TSEN2: variants seen among roughly 807,000 people sequenced by gnomAD.
The protein encoded by TSEN2 is tRNA splicing endonuclease subunit 2.
A neutral mutation model predicts 59.2 loss-of-function variants in TSEN2; 54 were observed. The observed-to-expected ratio is 0.91, with a 90% confidence interval of 0.73 to 1.14. The LOEUF (loss-of-function observed/expected upper bound fraction) is 1.14, where lower values mean the gene tolerates loss of function less well. TSEN2 is among the 50% of genes most tolerant of loss of function. TSEN2 has a pLI of 0.00. For synonymous variants in TSEN2, 195 were observed against 198.2 expected, an observed-to-expected ratio of 0.98 and a Z score of 0.14; for missense variants, 636 against 576.2, an observed-to-expected ratio of 1.10 and a Z score of -1.06.
At chr3:12,495,384 C>T (rs1464689329) in intron 3 of TSEN2, among the ~76,000 whole-genome samples, 1 of 152,042 alleles carries the variant, frequency 6.6e-6, no homozygotes, top group African/African-American at 2.4e-5. Context: ...CACATGCCAT[C>T]GCAGCTAGCT....
chr3:12,483,050 C>T (rs2052245180), upstream of TSEN2, among the ~76,000 whole-genome samples: 1 of 152,228 alleles, frequency 6.6e-6, no homozygotes, highest in Non-Finnish European at 1.5e-5. Context: ...GACATGATCT[C>T]ACTCTACCAA....
At chr3:12,497,263 A>C (rs566999365) in intron 4 of TSEN2, among the ~76,000 whole-genome samples, 54 of 152,314 alleles carry the variant, frequency 3.5e-4, no homozygotes, top group African/African-American at 1.3e-3. Flanking sequence ...GACTGTCTCC[A>C]TCCATCCCAG....
intron 6 of TSEN2, among the ~76,000 whole-genome samples, chr3:12,516,316 C>T (rs1347801637): frequency 6.6e-6 from 1 of 152,070 alleles, no homozygotes; most frequent in East Asian, 1.9e-4. Flanking sequence ...GTCCCAGCTA[C>T]TCGGGAGGCT....
chr3:12,527,113 A>G (rs1313713335), intron 8 of TSEN2, among the ~76,000 whole-genome samples: 2 of 152,250 alleles, frequency 1.3e-5, no homozygotes, highest in Admixed American at 6.5e-5. Flanking sequence ...AGTACACTCC[A>G]TCTCAAAAAG....
chr3:12,531,744 A>G, intron 11 of TSEN2, 85 bp downstream of exon 11: 1 of 939,562 alleles, frequency 1.1e-6, no homozygotes. Context: ...AAGAAAATAC[A>G]TGAATACAGT....
chr3:12,518,308 T>C (rs2056327456), intron 7 of TSEN2, among the ~76,000 whole-genome samples: 1 of 152,244 alleles, frequency 6.6e-6, no homozygotes, highest in South Asian at 2.1e-4. Flanking sequence ...TTTTTTGTTC[T>C]TCTGAACATG....
intron 2 of TSEN2, 94 bp from the exon 3 acceptor site, chr3:12,492,042 C>G (rs1002805839): frequency 3.7e-6 from 4 of 1,069,806 alleles, no homozygotes; most frequent in South Asian, 1.3e-5. Flanking sequence ...GGAACCAGCC[C>G]CCTGTGGATA....
At chr3:12,513,915 G>C (rs2055773834) in intron 6 of TSEN2, among the ~76,000 whole-genome samples, 1 of 152,222 alleles carries the variant, frequency 6.6e-6, no homozygotes, top group Non-Finnish European at 1.5e-5. Context: ...GCAGAGACCT[G>C]CTGTAGGGTG....
intron 7 of TSEN2, 32 bp from the exon 8 acceptor site, chr3:12,519,027 A>T: frequency 6.2e-7 from 1 of 1,612,700 alleles, no homozygotes; most frequent in Non-Finnish European, 8.5e-7. Flanking sequence ...CATACATAGT[A>T]ATGCTTTTTG....
intron 6 of TSEN2, among the ~76,000 whole-genome samples, chr3:12,508,260 C>T (rs543903753): frequency 1.3e-5 from 2 of 152,304 alleles, no homozygotes; most frequent in South Asian, 4.1e-4. Context: ...TCCTCTTGAA[C>T]ACCCCCTGAT....
At chr3:12,521,556 A>G (rs1362747144) in intron 8 of TSEN2, among the ~76,000 whole-genome samples, 1 of 152,018 alleles carries the variant, frequency 6.6e-6, no homozygotes, top group Non-Finnish European at 1.5e-5. Context: ...GTCTAGCACA[A>G]ATACAGAAAT....
intron 6 of TSEN2, among the ~76,000 whole-genome samples, chr3:12,511,870 A>G (rs953792621): frequency 6.6e-6 from 1 of 152,206 alleles, no homozygotes; most frequent in Non-Finnish European, 1.5e-5. Flanking sequence ...CCTAGGTTTT[A>G]TATATTTTTG....
At chr3:12,534,226 A>G (rs1436730577), downstream of TSEN2, among the ~76,000 whole-genome samples, 2 of 152,114 alleles carry the variant, frequency 1.3e-5, no homozygotes, top group Admixed American at 1.3e-4. Context: ...AAGCCCCCTT[A>G]CTTACTGGTT....
intron 4 of TSEN2, among the ~76,000 whole-genome samples, chr3:12,501,699 G>A (rs56013339): frequency 0.072 from 10,961 of 151,926 alleles, 525 homozygotes; most frequent in Admixed American, 0.16. Flanking sequence ...CTGCCGCATC[G>A]AGCACTGTTC....
chr3:12,514,922 T>C (rs555943605), intron 6 of TSEN2: 3 of 152,368 alleles, frequency 2.0e-5, no homozygotes, highest in African/African-American at 7.2e-5. Flanking sequence ...TTTTCATTTT[T>C]GCAAGTCGCT....
intron 8 of TSEN2, 59 bp from the exon 9 acceptor site, chr3:12,528,829 T>C: frequency 6.3e-7 from 1 of 1,583,454 alleles, no homozygotes; most frequent in Non-Finnish European, 8.7e-7. Flanking sequence ...TTGTTGAGTC[T>C]TACTCCTCTC....
chr3:12,509,864 A>G (rs563134012), intron 6 of TSEN2, among the ~76,000 whole-genome samples: 1 of 152,282 alleles, frequency 6.6e-6, no homozygotes, highest in East Asian at 1.9e-4. Context: ...GCCTTTCCAT[A>G]TTGGCATGTT....
At chr3:12,506,103 C>A (rs1379003148) in intron 6 of TSEN2, among the ~76,000 whole-genome samples, 1 of 148,706 alleles carries the variant, frequency 6.7e-6, no homozygotes. Flanking sequence ...CTAGCTTTTT[C>A]AAAAATACTA....
At position 12,484,850 on chromosome 3, in the gene TSEN2, T is replaced by C. The variant is rs979193802; in HGVS notation, c.-48T>C. On this transcript the variant is annotated 5_prime_UTR_variant, in exon 1 of 12. Transcript: ENST00000284995. ...CAGCCTCTGGTGGAGTTCGGTCGGG[T>C]GTGGGGGTAGTCAAGGAAAGAAGCA... The C allele has an allele frequency of 2.6e-5, 4 of 152,336 alleles. No homozygotes were observed. Among genetic ancestry groups the C allele is most frequent in the Non-Finnish European group, 5.9e-5 (4 of 68,162 alleles). The allele number at this position is 152,336 out of a possible 1,614,324, so 9.4% of individuals were successfully genotyped here.
Sources: gnomAD v4.1 joint callset for allele counts (sites outside exome capture counted in the v4.1 genomes callset) on GRCh38, gnomAD v4.1.1 for gene constraint, MANE v1.5 for transcripts, NCBI Gene and HGNC (gene_info 2026-07-23, HGNC 2026-07-21) for gene names.